Variants in CANT1 observed in about 807,000 individuals in gnomAD.
CANT1 encodes calcium activated nucleotidase 1.
In CANT1, 26 loss-of-function variants were observed where a neutral mutation model predicts 30.0. The ratio of observed to expected loss-of-function variants is 0.87; its 90% CI spans 0.64 to 1.20. The LOEUF is 1.20. Among genes scored for constraint, CANT1 ranks in the 50% most tolerant of loss-of-function variants. The pLI is 0.00. For missense variants in CANT1, 518 were observed against 563.0 expected, an observed-to-expected ratio of 0.92 and a Z score of 0.81; for synonymous variants, 246 against 251.8, an observed-to-expected ratio of 0.98 and a Z score of 0.22.
In CANT1 at chr17:79,002,070, C is replaced by T. The variant is rs1260705871; in HGVS notation, c.-146-4107G>A. ...ATCTCACCCTGATGACTCTCAGAGT[C>T]TTGGTCTAATGATCTAGACCAAGCT... is the stretch of plus-strand genomic sequence containing the variant. On this transcript the variant is annotated intron_variant, in intron 1 of 4. Transcript: ENST00000392446. The surrounding 1 kb of genome is among the most constrained non-coding windows in gnomAD (Gnocchi z 4.0). Among the ~76,000 whole-genome samples, 1 of 152,152 alleles carries T rather than the reference C, an allele frequency of 6.6e-6. No individual in the cohort carries two copies. Among genetic ancestry groups the T allele is most frequent in the Non-Finnish European group, 1.5e-5 (1 of 68,016 alleles).
In CANT1 at chr17:79,008,676, C is replaced by T. The variant is rs940814984; in HGVS notation, c.-147+988G>A. On this transcript the variant is annotated intron_variant, in intron 1 of 4. Coordinates refer to ENST00000392446, the MANE Select transcript of CANT1 (RefSeq NM_001159773.2). The surrounding 1 kb of genome is among the most constrained non-coding windows in gnomAD (Gnocchi z 4.4). The stretch of plus-strand genomic sequence containing the variant: ...AAGAGTGGTCACAGGTGCTCTGTGC[C>T]AAGCCTAGGGTACACAGAGGGCAAG... Among the ~76,000 whole-genome samples, 7 of 152,060 alleles carry T rather than the reference C, an allele frequency of 4.6e-5. No individual in the cohort carries two copies. Among genetic ancestry groups the T allele is most frequent in the Admixed American group, 4.6e-4 (7 of 15,272 alleles).
chr17:78,996,753 C>T lies in CANT1; in HGVS notation c.631+239G>A, dbSNP rs2071046234. Among the ~76,000 whole-genome samples, 1 of 152,190 alleles carries T rather than the reference C, an allele frequency of 6.6e-6. No individual in the cohort carries two copies. The highest frequency in any genetic ancestry group is 1.5e-5 in the Non-Finnish European group (1 of 68,022). ...TCTTGGAGAGATTCCCCACGTCTCC[C>T]ACAGGCCTCTAGCGATAAGCTCTTC... On this transcript the variant is annotated intron_variant, in intron 3 of 4. Transcript: ENST00000392446. This position sits in a 1 kb window ranked among gnomAD's most constrained non-coding sequence, Gnocchi z 5.1.
chr17:79,003,305 T>C (rs1401438184), intron 1 of CANT1, among the ~76,000 whole-genome samples: 1 of 152,134 alleles, frequency 6.6e-6, no homozygotes, highest in Non-Finnish European at 1.5e-5. Flanking sequence ...AATTATTTTA[T>C]TTTGCAAAAA....
rs2071125647 is a variant in CANT1, at chr17:78,998,605, T to C, written c.-146-642A>G. ...GCGGCCAGGAACTGCAGCCCTTCAC[T>C]GCTGTCGCCAAGCCCACTTCCCGGG... On this transcript the variant is annotated intron_variant, in intron 1 of 4. Transcript: ENST00000392446. The surrounding 1 kb of genome is among the most constrained non-coding windows in gnomAD (Gnocchi z 4.5). Among the ~76,000 whole-genome samples the C allele has an allele frequency of 6.6e-6, 1 of 152,206 alleles. No individual in the cohort carries two copies. The highest frequency in any genetic ancestry group is 2.1e-4 in the South Asian group (1 of 4,830).
rs1184357190 is a variant in CANT1, at chr17:78,993,772, G to C, written c.984C>G (p.Gly328=). The stretch of plus-strand genomic sequence containing the variant: ...CCCCGACGTGGCTCACAGCGATGTC[G>C]CCGAAGTCAGGGGAGGCGCTCAGCA... The part of the protein sequence containing the change: ...NLLLSASPDF[G]DIAVSHVGAV... Residue 328 remains glycine, a synonymous_variant, in exon 5 of 5, where the codon GGC becomes GGG. Transcript: ENST00000392446. This position sits in a 1 kb window ranked among gnomAD's most constrained non-coding sequence, Gnocchi z 4.5. The C allele has an allele frequency of 6.2e-7, 1 of 1,613,014 alleles. No individual in the cohort carries two copies.
intron 1 of CANT1, among the ~76,000 whole-genome samples, chr17:79,003,605 T>A (rs1021158401): frequency 2.6e-5 from 4 of 152,150 alleles, no homozygotes; most frequent in Non-Finnish European, 5.9e-5. Context: ...GTTTAAATGC[T>A]CGCTTTATTG....
chr17:78,996,915 T>A lies in CANT1; in HGVS notation c.631+77A>T, dbSNP rs557423884. ...TTCTAGGTGTGTGAATTCTTTACCATGTGCCTGTGTTTGCCAGCCAGGCCC... is the reference window on the plus strand; with the variant it reads ...TTCTAGGTGTGTGAATTCTTTACCAAGTGCCTGTGTTTGCCAGCCAGGCCC... On this transcript the variant is annotated intron_variant, in intron 3 of 4. Transcript: ENST00000392446. The surrounding 1 kb of genome is among the most constrained non-coding windows in gnomAD (Gnocchi z 5.1). 3 of 1,582,336 alleles carry A rather than the reference T, an allele frequency of 1.9e-6. No homozygotes were observed. Among genetic ancestry groups the A allele is most frequent in the South Asian group, 1.1e-5 (1 of 90,332 alleles).
chr17:79,005,121 T>A (rs1381202240), intron 1 of CANT1, among the ~76,000 whole-genome samples: 2 of 37,042 alleles, frequency 5.4e-5, no homozygotes, highest in African/African-American at 1.9e-4. Context: ...GAGAAGGGAG[T>A]TAGGGAGAGG....
intron 1 of CANT1, chr17:79,005,813 C>G (rs1162437459): frequency 6.6e-6 from 1 of 152,244 alleles, no homozygotes; most frequent in East Asian, 1.9e-4. Context: ...GAAGCCAAGG[C>G]CTTCACACAC....
intron 1 of CANT1, among the ~76,000 whole-genome samples, chr17:79,003,209 A>C (rs897644758): frequency 2.6e-5 from 4 of 152,114 alleles, no homozygotes; most frequent in African/African-American, 9.7e-5. Context: ...TGACAAGAGA[A>C]CTCTGTGTAC....
In CANT1 at chr17:78,998,161, A is replaced by G. The variant is rs180995062; in HGVS notation, c.-146-198T>C. The G allele has an allele frequency of 6.7e-5, 12 of 180,408 alleles. No homozygotes were observed. In the East Asian group the frequency reaches 1.2e-3, roughly 17 times the overall value. 11.2% of individuals were successfully genotyped at this position (180,408 alleles called of 1,614,324 possible). On this transcript the variant is annotated intron_variant, in intron 1 of 4. Transcript: ENST00000392446. The surrounding 1 kb of genome is among the most constrained non-coding windows in gnomAD (Gnocchi z 4.5). ...CCTTGTCCCCACCTGACGTTAGAGT[A>G]TTGTATACAGTTATCGGTTTGTTTG...
Position 78,993,246 on chromosome 17 carries a change from TAGGAA to T in CANT1, c.*299_*303del. On this transcript the variant is annotated 3_prime_UTR_variant, in exon 5 of 5. Coordinates refer to ENST00000392446, the MANE Select transcript of CANT1 (RefSeq NM_001159773.2). The surrounding 1 kb of genome is among the most constrained non-coding windows in gnomAD (Gnocchi z 4.5). The stretch of plus-strand genomic sequence containing the variant: ...GGGATATTCACTGAACAAAAGAACA[TAGGAA>T]AGAAAAGAAACGAGGTCGGATGGAA... The T allele has an allele frequency of 2.1e-6, 1 of 465,746 alleles. No individual in the cohort carries two copies. Among genetic ancestry groups the T allele is most frequent in the East Asian group, 3.8e-5 (1 of 26,200 alleles). 28.9% of individuals were successfully genotyped at this position (465,746 alleles called of 1,614,324 possible). A position where few individuals can be genotyped will look rare whatever the true frequency, so the allele number is the denominator to read the frequency against.
intron 1 of CANT1, among the ~76,000 whole-genome samples, chr17:79,001,909 C>T (rs1300952318): frequency 6.6e-6 from 1 of 152,126 alleles, no homozygotes; most frequent in Non-Finnish European, 1.5e-5. Context: ...ACTCCCTGTC[C>T]TGGCAGTGCC....
rs2070999105 is a variant in CANT1, at chr17:78,995,334, G to GCTCCGCACCTGACTCCCGCCCGT, written c.632-114_632-113insACGGGCGGGAGTCAGGTGCGGAG. The GCTCCGCACCTGACTCCCGCCCGT allele has an allele frequency of 1.1e-5, 13 of 1,154,746 alleles. No individual in the cohort carries two copies. The highest frequency in any genetic ancestry group is 1.6e-5 in the Non-Finnish European group (13 of 802,880). The allele number at this position is 1,154,746 out of a possible 1,614,324, so 71.5% of individuals were successfully genotyped here. ...AGACCCCGCACCTGACTCCCGCCCGGCTCCACACCTGCCTCCCCTCCGGCC... is the reference window on the plus strand; with the variant it reads ...AGACCCCGCACCTGACTCCCGCCCGGCTCCGCACCTGACTCCCGCCCGTCTCCACACCTGCCTCCCCTCCGGCC... On this transcript the variant is annotated intron_variant, in intron 3 of 4. Coordinates refer to ENST00000392446, the MANE Select transcript of CANT1 (RefSeq NM_001159773.2). The surrounding 1 kb of genome is among the most constrained non-coding windows in gnomAD (Gnocchi z 5.7).
chr17:79,006,580 G>C (rs1377218022), intron 1 of CANT1, among the ~76,000 whole-genome samples: 1 of 152,198 alleles, frequency 6.6e-6, no homozygotes, highest in African/African-American at 2.4e-5. Flanking sequence ...TGGGCGCACA[G>C]CTTCAGAACC....
chr17:79,002,142 T>G lies in CANT1; in HGVS notation c.-146-4179A>C, dbSNP rs2071285744. Among the ~76,000 whole-genome samples, 2 of 152,190 alleles carry G rather than the reference T, an allele frequency of 1.3e-5. No homozygotes were observed. Among genetic ancestry groups the G allele is most frequent in the Non-Finnish European group, 2.9e-5 (2 of 68,034 alleles). ...CAAATTCGTAAACTTTCTTAAAACA[T>G]GATGAGATGAGATTTTTTGTTAAGC... is the stretch of plus-strand genomic sequence containing the variant. On this transcript the variant is annotated intron_variant, in intron 1 of 4. Coordinates refer to ENST00000392446, the MANE Select transcript of CANT1 (RefSeq NM_001159773.2). The surrounding 1 kb of genome is among the most constrained non-coding windows in gnomAD (Gnocchi z 4.0).
At chr17:79,001,143 G>A (rs930965354) in intron 1 of CANT1, among the ~76,000 whole-genome samples, 1 of 152,164 alleles carries the variant, frequency 6.6e-6, no homozygotes, top group Non-Finnish European at 1.5e-5. Flanking sequence ...ACAGAACAAC[G>A]GTGCCTGCAT....
chr17:78,999,317 G>C (rs1179495391), intron 1 of CANT1, among the ~76,000 whole-genome samples: 2 of 152,126 alleles, frequency 1.3e-5, no homozygotes. Context: ...GATCACCGGG[G>C]CCTTCCCGGC....
At position 78,995,916 on chromosome 17, in the gene CANT1, C is replaced by T. The variant is rs552631041; in HGVS notation, c.632-695G>A. ...CTCTGCAGGGCCCTGGAGGGACCTG[C>T]GGTCTCCTGGTCTGCTTGTGCGATG... is the stretch of plus-strand genomic sequence containing the variant. On this transcript the variant is annotated intron_variant, in intron 3 of 4. Coordinates refer to ENST00000392446, the MANE Select transcript of CANT1 (RefSeq NM_001159773.2). The surrounding 1 kb of genome is among the most constrained non-coding windows in gnomAD (Gnocchi z 5.7). Among the ~76,000 whole-genome samples the T allele has an allele frequency of 1.4e-4, 21 of 152,172 alleles. No individual in the cohort carries two copies. Among genetic ancestry groups the T allele is most frequent in the South Asian group, 6.2e-4 (3 of 4,822 alleles).
Sources: allele counts gnomAD v4.1 joint callset (sites outside exome capture counted in the v4.1 genomes callset), GRCh38; gene constraint gnomAD v4.1.1; non-coding constraint Gnocchi (gnomAD v3.1); transcripts MANE v1.5; gene names NCBI Gene and HGNC (gene_info 2026-07-23, HGNC 2026-07-21).